GAB3: variants seen among roughly 807,000 people sequenced by gnomAD.
The protein encoded by GAB3 is GRB2 associated binding protein 3, also known as GRB2-associated-binding protein 3.
GAB3 carries 12 observed loss-of-function variants against 40.4 expected under a neutral mutation model. The ratio of observed to expected loss-of-function variants is 0.30; its 90% confidence interval spans 0.19 to 0.48. The LOEUF is 0.48. Among genes scored for constraint, GAB3 ranks in the 20% least tolerant of loss-of-function variants. The pLI is 0.99. For synonymous variants in GAB3, 154 were observed against 176.7 expected (o/e 0.87, Z 1.02); for missense variants, 381 against 461.9 (o/e 0.82, Z 1.61).
intron 1 of GAB3, among the ~76,000 whole-genome samples, chrX:154,722,496 T>C (rs1457169463): frequency 3.6e-5 from 4 of 112,014 alleles, no homozygotes; most frequent in Non-Finnish European, 7.5e-5. Flanking sequence ...ACATGTGAGA[T>C]TGTATGTTAA....
intron 1 of GAB3, among the ~76,000 whole-genome samples, chrX:154,734,798 C>G (rs1557260362): frequency 8.9e-6 from 1 of 112,304 alleles, no homozygotes; most frequent in South Asian, 3.7e-4. Context: ...TGGAGCCACC[C>G]CAGCCAAGGC....
In GAB3 at chrX:154,676,696, A is replaced by C. The variant is rs1557245658; in HGVS notation, c.*1482T>G. On this transcript the variant is annotated 3_prime_UTR_variant, in exon 10 of 10. Coordinates refer to ENST00000424127, the MANE Select transcript of GAB3 (RefSeq NM_001081573.3). Reference sequence around the variant, plus strand: ...CCTGTGGGGTGATTGGAAACCCTGAAATCCTGTAGCAAAGTCTACAACTGC... The same window carrying C: ...CCTGTGGGGTGATTGGAAACCCTGACATCCTGTAGCAAAGTCTACAACTGC... The C allele has an allele frequency of 8.9e-6, 1 of 112,000 alleles. No individual in the cohort carries two copies. 9.2% of individuals were successfully genotyped at this position (112,000 alleles called of 1,213,427 possible). A position where few individuals can be genotyped will look rare whatever the true frequency, so the allele number is the denominator to read the frequency against.
chrX:154,708,491 C>G (rs956340861), intron 4 of GAB3, among the ~76,000 whole-genome samples: 3 of 111,806 alleles, frequency 2.7e-5, no homozygotes, highest in East Asian at 5.5e-4. Flanking sequence ...AAGGGGTTAA[C>G]AGTAAAAATA....
chrX:154,734,162 G>A (rs1557260272), intron 1 of GAB3, among the ~76,000 whole-genome samples: 1 of 112,680 alleles, frequency 8.9e-6, no homozygotes, highest in Admixed American at 9.4e-5. Context: ...GGCTTCTTGT[G>A]AAATAGGAAC....
intron 8 of GAB3, among the ~76,000 whole-genome samples, chrX:154,694,536 G>A (rs906960432): frequency 5.4e-5 from 6 of 110,477 alleles, no homozygotes; most frequent in African/African-American, 1.7e-4. Flanking sequence ...ACAGGCGCCC[G>A]CCACCACGCC....
At chrX:154,740,298 A>T (rs2071417667) in intron 1 of GAB3, among the ~76,000 whole-genome samples, 1 of 112,310 alleles carries the variant, frequency 8.9e-6, no homozygotes, top group Non-Finnish European at 1.9e-5. Context: ...TCCAAAATAC[A>T]TTACTAAGAA....
At chrX:154,720,900 G>T (rs1392772917) in intron 1 of GAB3, among the ~76,000 whole-genome samples, 1 of 111,579 alleles carries the variant, frequency 9.0e-6, no homozygotes, top group African/African-American at 3.3e-5. Context: ...AGCATCAACA[G>T]CTGCTAACTT....
At chrX:154,742,978 G>T (rs2071465556) in intron 1 of GAB3, among the ~76,000 whole-genome samples, 1 of 85,051 alleles carries the variant, frequency 1.2e-5, no homozygotes, top group African/African-American at 4.9e-5. Flanking sequence ...ATTCTATAGT[G>T]TGTGTACATA....
At chrX:154,717,691 C>G (rs1603426494) in intron 1 of GAB3, among the ~76,000 whole-genome samples, 3 of 111,635 alleles carry the variant, frequency 2.7e-5, no homozygotes, top group East Asian at 2.8e-4. Context: ...CATCTTGGCT[C>G]AGTACAAAGA....
At chrX:154,728,271 T>C (rs2071242297) in intron 1 of GAB3, among the ~76,000 whole-genome samples, 1 of 112,197 alleles carries the variant, frequency 8.9e-6, no homozygotes, top group African/African-American at 3.2e-5. Context: ...GTTTTGATCC[T>C]TCAATACTGC....
In GAB3 at chrX:154,712,342, G is replaced by A. The variant is rs781883731; in HGVS notation, c.956C>T (p.Ser319Phe). 8 of 1,211,853 alleles carry A rather than the reference G, an allele frequency of 6.6e-6. No homozygotes were observed. Among genetic ancestry groups the A allele is most frequent in the Non-Finnish European group, 8.9e-6 (8 of 895,279 alleles). The change falls in exon 4 of 10, where the codon TCT (serine) becomes TTT (phenylalanine). Residue 319 changes from serine to phenylalanine, a missense_variant. Ser to Phe is a radical substitution (Grantham distance 155, BLOSUM62 -2). Coordinates refer to ENST00000424127, the MANE Select transcript of GAB3 (RefSeq NM_001081573.3). The stretch of plus-strand genomic sequence containing the variant: ...ACTCCACTCCTCTTGGCGCCGTTCA[G>A]ACAGATGGCTTGGCTTAGGGGGGCG... ...PPRPPKPSHL[S>F]ERRQEEWSTH...
chrX:154,716,448 G>T, intron 1 of GAB3, 119 bp from the exon 2 acceptor site: 3 of 638,580 alleles, frequency 4.7e-6, no homozygotes, highest in Non-Finnish European at 4.7e-6. Context: ...CCATTCTAAT[G>T]ATGAAACGCT....
chrX:154,711,354 G>C (rs2070941944), intron 4 of GAB3, among the ~76,000 whole-genome samples: 1 of 111,698 alleles, frequency 9.0e-6, no homozygotes, highest in African/African-American at 3.3e-5. Flanking sequence ...AAAATGCTAA[G>C]GTTGGTTGGC....
intron 1 of GAB3, among the ~76,000 whole-genome samples, chrX:154,724,342 T>TTAAA (rs782217148): frequency 0.037 from 3,904 of 104,768 alleles, 89 homozygotes; most frequent in East Asian, 0.075. Flanking sequence ...AGACTTCATC[T>TTAAA]TAAATAAATA....
chrX:154,712,186 C>A (rs2070959310), intron 4 of GAB3, 43 bp downstream of exon 4: 8 of 1,000,397 alleles, frequency 8.0e-6, no homozygotes, highest in Non-Finnish European at 1.1e-5. Flanking sequence ...TGAAGAGGAG[C>A]CCGGGTTTTC....
At chrX:154,751,292 G>GA (rs1450135477), upstream of GAB3, among the ~76,000 whole-genome samples, 4 of 92,279 alleles carry the variant, frequency 4.3e-5, no homozygotes, top group African/African-American at 1.8e-4. Flanking sequence ...CCCGGGGGGG[G>GA]GGTGTGGGGG....
rs904608890 is a variant in GAB3 at position 154,701,898 on chromosome X, G to A, written c.1070-1839C>T. ...AAATAGAAAAATATTCCATGTTCAT[G>A]TACTGGAAGAATCAACATTATTTAA... is the stretch of plus-strand genomic sequence containing the variant. On this transcript the variant is annotated intron_variant, in intron 4 of 9. Coordinates refer to ENST00000424127, the MANE Select transcript of GAB3 (RefSeq NM_001081573.3). Among the ~76,000 whole-genome samples, 3 of 111,712 alleles carry A rather than the reference G, an allele frequency of 2.7e-5. No homozygotes were observed. The South Asian group carries it at 1.1e-3, about 41-fold the overall frequency.
At chrX:154,737,703 T>C (rs1192983964) in intron 1 of GAB3, among the ~76,000 whole-genome samples, 1 of 112,318 alleles carries the variant, frequency 8.9e-6, no homozygotes, top group Non-Finnish European at 1.9e-5. Context: ...CAGAAAGATG[T>C]GGCGTAAAAA....
At chrX:154,691,902 C>T (rs1014766624) in intron 8 of GAB3, among the ~76,000 whole-genome samples, 5 of 111,594 alleles carry the variant, frequency 4.5e-5, no homozygotes, top group Non-Finnish European at 9.4e-5. Flanking sequence ...CAGGACCATT[C>T]GACATGGAAA....
Sources: allele counts gnomAD v4.1 joint callset (sites outside exome capture counted in the v4.1 genomes callset), GRCh38; gene constraint gnomAD v4.1.1; transcripts MANE v1.5; gene names NCBI Gene and HGNC (gene_info 2026-07-23, HGNC 2026-07-21).